Variants in SHISA5 observed in about 807,000 individuals in gnomAD.
SHISA5 encodes the protein protein shisa-5.
SHISA5 carries 21 observed loss-of-function variants against 27.5 expected under a neutral mutation model. That is an observed-to-expected ratio of 0.76 (90% CI 0.54 to 1.10). SHISA5 has a LOEUF of 1.10. SHISA5 is among the 50% of genes least tolerant of loss of function. The pLI, the probability that SHISA5 is intolerant of heterozygous loss-of-function variation, is 0.00. For synonymous variants in SHISA5, 137 were observed against 142.2 expected, an observed-to-expected ratio of 0.96 and a Z score of 0.26; for missense variants, 314 against 336.3, an observed-to-expected ratio of 0.93 and a Z score of 0.52.
At chr3:48,477,058 C>T (rs1029815284) in intron 3 of SHISA5, 5 of 452,634 alleles carry the variant, frequency 1.1e-5, no homozygotes, top group African/African-American at 4.0e-5. Flanking sequence ...GAGCTTGTTC[C>T]GCACTGTCTC....
chr3:48,476,327 G>A (rs932738066), intron 3 of SHISA5, among the ~76,000 whole-genome samples: 3 of 141,892 alleles, frequency 2.1e-5, no homozygotes, highest in Non-Finnish European at 4.5e-5. Flanking sequence ...GGCAACAGGA[G>A]AGAAACTCCA....
intron 3 of SHISA5, among the ~76,000 whole-genome samples, chr3:48,478,882 C>T (rs2040909824): frequency 6.6e-6 from 1 of 152,046 alleles, no homozygotes; most frequent in African/African-American, 2.4e-5. Flanking sequence ...CCCATCGGGA[C>T]CCATCAGTCA....
At chr3:48,472,394 GCTGAGGCAGAAGAATCACGTGAACC>G (rs1394329589) in intron 3 of SHISA5, among the ~76,000 whole-genome samples, 4 of 151,912 alleles carry the variant, frequency 2.6e-5, no homozygotes, top group African/African-American at 9.7e-5. Context: ...TACTGGGGAG[GCTGAGGCAGAAGAATCACGTGAACC>G]CATGAGGCGG....
At chr3:48,496,779 A>T (rs538326791) in intron 2 of SHISA5, among the ~76,000 whole-genome samples, 84 of 151,988 alleles carry the variant, frequency 5.5e-4, no homozygotes, top group Non-Finnish European at 1.0e-3. Context: ...TTATAATACC[A>T]TAAAAAAAAA....
Position 48,473,395 on chromosome 3 carries a change from G to C in SHISA5, c.315-3552C>G. 7.6e-7 allele frequency: 1 copy of C among 1,320,638 alleles called. No homozygotes were observed. 81.8% of individuals were successfully genotyped at this position (1,320,638 alleles called of 1,614,324 possible). A position where few individuals can be genotyped will look rare whatever the true frequency, so the allele number is the denominator to read the frequency against. On this transcript the variant is annotated intron_variant, in intron 3 of 5. Transcript: ENST00000296444. The surrounding 1 kb of genome is among the most constrained non-coding windows in gnomAD (Gnocchi z 4.3). The stretch of plus-strand genomic sequence containing the variant: ...CTCAGTGGGCCCCAACCACACTCTA[G>C]CTCAGCAGCACCCCCACCCCCACTT...
At chr3:48,474,804 A>G (rs189175153) in intron 3 of SHISA5, among the ~76,000 whole-genome samples, 2 of 151,472 alleles carry the variant, frequency 1.3e-5, no homozygotes, top group Admixed American at 1.3e-4. Flanking sequence ...ACATGCAGAT[A>G]CTCCTGCCAG....
intron 2 of SHISA5, among the ~76,000 whole-genome samples, chr3:48,497,834 A>G (rs1035262879): frequency 2.0e-5 from 3 of 151,594 alleles, no homozygotes; most frequent in African/African-American, 7.3e-5. Flanking sequence ...GAGTGACATG[A>G]GCCAGTGACT....
chr3:48,503,091 C>T, intron 1 of SHISA5: 1 of 1,289,596 alleles, frequency 7.8e-7, no homozygotes, highest in Non-Finnish European at 1.0e-6. Flanking sequence ...GGCCAGCTGC[C>T]CACCTGAAAG....
Position 48,469,094 on chromosome 3 carries a change from G to T in SHISA5, c.*13C>A, listed in dbSNP as rs757963237. On this transcript the variant is annotated 3_prime_UTR_variant, in exon 6 of 6. Coordinates refer to ENST00000296444, the MANE Select transcript of SHISA5 (RefSeq NM_016479.6). This position sits in a 1 kb window ranked among gnomAD's most constrained non-coding sequence, Gnocchi z 4.6. ...AACATAACCAAGTGGCAGCCAGAGAGGCCAGGGAATGCTCAGAGGGCCGCC... is the reference window on the plus strand; with the variant it reads ...AACATAACCAAGTGGCAGCCAGAGATGCCAGGGAATGCTCAGAGGGCCGCC... The T allele has an allele frequency of 6.2e-7, 1 of 1,612,854 alleles. No homozygotes were observed. The highest frequency in any genetic ancestry group is 8.5e-7 in the Non-Finnish European group (1 of 1,180,014).
At chr3:48,503,123 G>T in intron 1 of SHISA5, 2 of 1,289,816 alleles carry the variant, frequency 1.6e-6, no homozygotes, top group South Asian at 1.2e-5. Flanking sequence ...AGCATGGCCC[G>T]TGCCTGGTGG....
chr3:48,504,163 G>T lies in SHISA5; in HGVS notation c.-69C>A. The T allele has an allele frequency of 1.3e-6, 1 of 747,694 alleles. No homozygotes were observed. Among genetic ancestry groups the T allele is most frequent in the Non-Finnish European group, 1.9e-6 (1 of 539,666 alleles). The allele number at this position is 747,694 out of a possible 1,614,324, so 46.3% of individuals were successfully genotyped here. A position where few individuals can be genotyped will look rare whatever the true frequency, so the allele number is the denominator to read the frequency against. ...AGTGCCGCCACAGCCTCAGTGATCC[G>T]CGCGGCCGCCCCTCTCCCTCGCCCC... On this transcript the variant is annotated 5_prime_UTR_variant, in exon 1 of 6. Coordinates refer to ENST00000296444, the MANE Select transcript of SHISA5 (RefSeq NM_016479.6). This position sits in a 1 kb window ranked among gnomAD's most constrained non-coding sequence, Gnocchi z 4.0.
chr3:48,478,642 G>C (rs1183143906), intron 3 of SHISA5, among the ~76,000 whole-genome samples: 1 of 152,030 alleles, frequency 6.6e-6, no homozygotes, highest in East Asian at 1.9e-4. Context: ...TTCCCTGAGA[G>C]GAGAGTCCTG....
At chr3:48,488,374 C>G (rs768390081) in intron 2 of SHISA5, among the ~76,000 whole-genome samples, 16 of 151,050 alleles carry the variant, frequency 1.1e-4, no homozygotes, top group Non-Finnish European at 2.1e-4. Flanking sequence ...ACTACAGGTG[C>G]CCACCACCAT....
chr3:48,471,457 A>G (rs375866831), intron 3 of SHISA5, among the ~76,000 whole-genome samples: 41 of 149,476 alleles, frequency 2.7e-4, no homozygotes, highest in African/African-American at 8.4e-4. Context: ...CAGGAGGCTG[A>G]GGCAGGAGAA....
intron 2 of SHISA5, among the ~76,000 whole-genome samples, chr3:48,496,826 T>C (rs1575330592): frequency 6.9e-6 from 1 of 144,268 alleles, no homozygotes; most frequent in African/African-American, 2.5e-5. Context: ...GACTTTGAAA[T>C]AGAAAAAATA....
chr3:48,469,222 T>C lies in SHISA5; in HGVS notation c.644-36A>G, dbSNP rs768903593. On this transcript the variant is annotated intron_variant, in intron 5 of 5. Coordinates refer to ENST00000296444, the MANE Select transcript of SHISA5 (RefSeq NM_016479.6). The surrounding 1 kb of genome is among the most constrained non-coding windows in gnomAD (Gnocchi z 4.6). ...AGAGGACCCTGGTTGGCTGTGAGCA[T>C]GGTGGGCTGCCGTGTGAGTGGCAGG... The C allele has an allele frequency of 1.9e-5, 30 of 1,604,996 alleles. No individual in the cohort carries two copies. The highest frequency in any genetic ancestry group is 2.4e-5 in the Non-Finnish European group (28 of 1,176,320).
At chr3:48,487,777 C>T (rs1427553920) in intron 2 of SHISA5, among the ~76,000 whole-genome samples, 1 of 152,068 alleles carries the variant, frequency 6.6e-6, no homozygotes, top group Non-Finnish European at 1.5e-5. Context: ...ATGCCTGTAA[C>T]CCAAGTTGCT....
chr3:48,482,674 C>T (rs1475323433), intron 2 of SHISA5, among the ~76,000 whole-genome samples: 4 of 151,532 alleles, frequency 2.6e-5, no homozygotes, highest in African/African-American at 7.3e-5. Flanking sequence ...CGTCTCTTGT[C>T]GCCCAGGCTG....
intron 2 of SHISA5, among the ~76,000 whole-genome samples, chr3:48,493,523 C>CTT (rs1195281041): frequency 1.2e-4 from 6 of 50,426 alleles, no homozygotes; most frequent in Non-Finnish European, 1.9e-4. Context: ...ATGATCTATT[C>CTT]TTTTTTTTTT....
Sources: gnomAD v4.1 joint callset for allele counts (sites outside exome capture counted in the v4.1 genomes callset) on GRCh38, gnomAD v4.1.1 for gene constraint, Gnocchi (gnomAD v3.1) non-coding constraint, MANE v1.5 for transcripts, NCBI Gene and HGNC (gene_info 2026-07-23, HGNC 2026-07-21) for gene names.